ROBO2: variants seen among roughly 807,000 people sequenced by gnomAD.
ROBO2 encodes the protein roundabout guidance receptor 2, also known as roundabout homolog 2.
Under a neutral mutation model 160.8 loss-of-function variants are expected in ROBO2, and 53 were observed. The ratio of observed to expected loss-of-function variants is 0.33; its 90% CI spans 0.26 to 0.41. The LOEUF (loss-of-function observed/expected upper bound fraction) is 0.41, where lower values mean the gene tolerates loss of function less well. Ranked by LOEUF, ROBO2 falls within the 10% of genes least tolerant of loss-of-function variation. ROBO2 has a pLI of 1.00. For synonymous variants in ROBO2, 664 were observed against 611.7 expected (o/e 1.09, Z -1.26); for missense variants, 1,577 against 1,722.4 (o/e 0.92, Z 1.49).
At chr3:77,425,450 T>A (rs904040255) in intron 2 of ROBO2, among the ~76,000 whole-genome samples, 2 of 152,022 alleles carry the variant, frequency 1.3e-5, no homozygotes, top group Non-Finnish European at 2.9e-5. Context: ...GGGTGATACA[T>A]AAACTTAGAG....
chr3:76,435,488 A>G (rs1185377072), intron 2 of ROBO2: 3 of 687,468 alleles, frequency 4.4e-6, no homozygotes, highest in African/African-American at 3.5e-5. Flanking sequence ...CTGTATCAAG[A>G]TGGTTCTTTT....
chr3:77,379,051 G>A (rs2073090081), intron 2 of ROBO2, among the ~76,000 whole-genome samples: 1 of 151,786 alleles, frequency 6.6e-6, no homozygotes. Flanking sequence ...AGGTTCAAGC[G>A]ATTCTCCTGT....
intron 2 of ROBO2, among the ~76,000 whole-genome samples, chr3:75,958,490 C>G (rs1948795399): frequency 6.6e-6 from 1 of 151,660 alleles, no homozygotes; most frequent in Non-Finnish European, 1.5e-5. Flanking sequence ...AAATGTGGCA[C>G]TGTAAGAAAA....
At chr3:77,193,438 G>A (rs55859226) in intron 2 of ROBO2, among the ~76,000 whole-genome samples, 29,034 of 149,990 alleles carry the variant, frequency 0.19, 3,279 homozygotes, top group Middle Eastern at 0.3. Context: ...ACACCACCAT[G>A]CCCAGCTAAG....
At chr3:76,511,223 A>G (rs1472636653) in intron 2 of ROBO2, among the ~76,000 whole-genome samples, 3 of 152,220 alleles carry the variant, frequency 2.0e-5, no homozygotes, top group African/African-American at 7.2e-5. Flanking sequence ...GCACAAGTTA[A>G]GTATAAACTT....
chr3:76,747,492 G>C (rs944049518), intron 2 of ROBO2, among the ~76,000 whole-genome samples: 2 of 152,024 alleles, frequency 1.3e-5, no homozygotes, highest in African/African-American at 4.8e-5. Context: ...GAGGAAATTA[G>C]CATTAATATC....
chr3:76,576,182 T>C (rs1034033183), intron 2 of ROBO2, among the ~76,000 whole-genome samples: 1 of 152,158 alleles, frequency 6.6e-6, no homozygotes, highest in Non-Finnish European at 1.5e-5. Flanking sequence ...AGAAGCAGCA[T>C]GGTTCATGTT....
intron 2 of ROBO2, among the ~76,000 whole-genome samples, chr3:76,379,025 A>G (rs913790546): frequency 2.0e-5 from 3 of 152,182 alleles, no homozygotes; most frequent in Non-Finnish European, 4.4e-5. Context: ...GAAAGATCAT[A>G]ATATCAGCAT....
chr3:77,402,212 C>A (rs978910396), intron 2 of ROBO2, among the ~76,000 whole-genome samples: 1 of 147,506 alleles, frequency 6.8e-6, no homozygotes, highest in African/African-American at 2.7e-5. Flanking sequence ...CACATGTTCT[C>A]ACTCTTAAGT....
intron 2 of ROBO2, among the ~76,000 whole-genome samples, chr3:76,260,409 T>A (rs1422875621): frequency 6.6e-6 from 1 of 152,138 alleles, no homozygotes; most frequent in African/African-American, 2.4e-5. Context: ...ATCGGTGATA[T>A]TACCAACATC....
chr3:75,942,696 A>G (rs1302411634), intron 2 of ROBO2, among the ~76,000 whole-genome samples: 1 of 152,154 alleles, frequency 6.6e-6, no homozygotes, highest in Non-Finnish European at 1.5e-5. Flanking sequence ...ATTTTTAGAG[A>G]TTACATGCAT....
At chr3:77,374,644 G>A (rs1392579818) in intron 2 of ROBO2, among the ~76,000 whole-genome samples, 2 of 151,930 alleles carry the variant, frequency 1.3e-5, no homozygotes, top group Non-Finnish European at 2.9e-5. Context: ...TTCTTAATTT[G>A]GTCTAAGTGC....
rs757654181 is a variant in ROBO2, at chr3:76,948,579, ATT to A, written c.110-149412_110-149411del. ...CCATTGGGGCTATAATTATAATCTAATTTTTTTTTTTTTTTTTTTTTTTTGGA... is the reference window on the plus strand; with the variant it reads ...CCATTGGGGCTATAATTATAATCTAATTTTTTTTTTTTTTTTTTTTTTGGA... On this transcript the variant is annotated intron_variant, in intron 2 of 26. Transcript: ENST00000487694. Among the ~76,000 whole-genome samples, 614 of 93,604 alleles carry A rather than the reference ATT, an allele frequency of 6.6e-3. 5 individuals carry two copies. Among genetic ancestry groups the A allele is most frequent in the African/African-American group, 0.026 (576 of 22,282 alleles). 61.4% of individuals were successfully genotyped at this position (93,604 alleles called of 152,430 possible). A position where few individuals can be genotyped will look rare whatever the true frequency, so the allele number is the denominator to read the frequency against.
intron 2 of ROBO2, among the ~76,000 whole-genome samples, chr3:77,471,117 A>C (rs1027050032): frequency 2.6e-4 from 39 of 152,306 alleles, no homozygotes; most frequent in African/African-American, 8.7e-4. Flanking sequence ...TCATGTGCAC[A>C]TTGTGGTTTA....
intron 2 of ROBO2, among the ~76,000 whole-genome samples, chr3:76,375,707 G>C (rs746981166): frequency 6.6e-6 from 1 of 151,994 alleles, no homozygotes; most frequent in Non-Finnish European, 1.5e-5. Flanking sequence ...AAGTAAAGTA[G>C]AATTCAAGCA....
intron 2 of ROBO2, among the ~76,000 whole-genome samples, chr3:76,797,080 C>T (rs769069731): frequency 3.9e-5 from 6 of 152,082 alleles, no homozygotes; most frequent in Non-Finnish European, 7.4e-5. Context: ...ATCTAATCTG[C>T]ACTATAAATC....
At chr3:76,692,322 T>C (rs535906519) in intron 2 of ROBO2, among the ~76,000 whole-genome samples, 1 of 152,060 alleles carries the variant, frequency 6.6e-6, no homozygotes, top group African/African-American at 2.4e-5. Context: ...TGTGGTTAGA[T>C]TGGATTAACC....
Position 77,343,084 on chromosome 3 carries a change from G to GAGAA in ROBO2, c.389-134329_389-134326dup, listed in dbSNP as rs1553916574. On this transcript the variant is annotated intron_variant, in intron 2 of 25. Coordinates refer to ENST00000461745, the Ensembl canonical transcript of ROBO2. ...AGAGAGAGAGAGAGAGAGAGAGAGAGAGAACTTTCTTATAAGACCACAATC... is the reference window on the plus strand; with the variant it reads ...AGAGAGAGAGAGAGAGAGAGAGAGAGAGAAAGAACTTTCTTATAAGACCACAATC... 9.7e-3 allele frequency among the ~76,000 whole-genome samples: 1,422 copies of GAGAA among 146,242 alleles called. 10 individuals are homozygous for GAGAA. Among genetic ancestry groups the GAGAA allele is most frequent in the African/African-American group, 0.026 (977 of 37,264 alleles).
At chr3:76,884,506 A>G (rs1428271057) in intron 2 of ROBO2, among the ~76,000 whole-genome samples, 2 of 152,198 alleles carry the variant, frequency 1.3e-5, no homozygotes, top group African/African-American at 2.4e-5. Context: ...AACCTTGCAC[A>G]GAGGCCAGCT....
Sources: allele counts gnomAD v4.1 joint callset (sites outside exome capture counted in the v4.1 genomes callset), GRCh38; gene constraint gnomAD v4.1.1; transcripts MANE v1.5; gene names NCBI Gene and HGNC (gene_info 2026-07-23, HGNC 2026-07-21).